The following NCOR1 variants were observed in gnomAD, a reference collection of about 807,000 sequenced individuals.
The protein encoded by NCOR1 is protein phosphatase 1, regulatory subunit 109.
Under a neutral mutation model 288.1 loss-of-function variants are expected in NCOR1, and 63 were observed. That is an observed-to-expected ratio of 0.22 (90% CI 0.18 to 0.27). The LOEUF is 0.27. NCOR1 is among the 10% of genes least tolerant of loss of function. The pLI is 1.00. For missense variants in NCOR1, 2,397 were observed against 3,019.2 expected, an observed-to-expected ratio of 0.79 and a Z score of 4.83; for synonymous variants, 1,007 against 1,065.9, an observed-to-expected ratio of 0.94 and a Z score of 1.08.
rs147189921 is a variant in NCOR1 at position 16,166,450 on chromosome 17, G to A, written c.436-1289C>T. On this transcript the variant is annotated intron_variant, in intron 4 of 45. Coordinates refer to ENST00000268712, the MANE Select transcript of NCOR1 (RefSeq NM_006311.4). Reference sequence around the variant, plus strand: ...AATCCCAGTACTTTGGGATGCTGACGCAGGCAGATCACAAGGTCAGGAGTT... The same window carrying A: ...AATCCCAGTACTTTGGGATGCTGACACAGGCAGATCACAAGGTCAGGAGTT... 2.9e-3 allele frequency among the ~76,000 whole-genome samples: 436 copies of A among 152,192 alleles called. 3 individuals carry two copies. Among genetic ancestry groups the A allele is most frequent in the African/African-American group, 9.7e-3 (401 of 41,526 alleles).
intron 8 of NCOR1, 112 bp downstream of exon 8, chr17:16,151,834 A>G (rs1028559611): frequency 3.0e-6 from 3 of 999,316 alleles, no homozygotes; most frequent in Non-Finnish European, 4.6e-6. Context: ...AATTACACAA[A>G]TCTAAAACAT....
intron 1 of NCOR1, among the ~76,000 whole-genome samples, chr17:16,206,669 A>G (rs1456158475): frequency 6.6e-6 from 1 of 152,204 alleles, no homozygotes; most frequent in Non-Finnish European, 1.5e-5. Flanking sequence ...AACAGGCATG[A>G]GTCACCATGC....
intron 41 of NCOR1, among the ~76,000 whole-genome samples, chr17:16,048,583 A>T (rs543644292): frequency 1.1e-4 from 17 of 150,374 alleles, no homozygotes; most frequent in African/African-American, 2.9e-4. Flanking sequence ...CAAAAACATT[A>T]AAAAAAAAAT....
chr17:16,114,143 CAAAAAAA>C (rs71353770), intron 18 of NCOR1, among the ~76,000 whole-genome samples: 7 of 17,734 alleles, frequency 3.9e-4, no homozygotes, highest in Non-Finnish European at 8.7e-4. Flanking sequence ...TGGCGGCAGG[CAAAAAAA>C]AAAAAAAAAA....
chr17:16,073,286 A>T (rs944571321), intron 28 of NCOR1, 143 bp downstream of exon 28: 2 of 690,612 alleles, frequency 2.9e-6, no homozygotes, highest in African/African-American at 3.7e-5. Flanking sequence ...TTCAGGTGGA[A>T]ATGACAGAAA....
chr17:16,181,101 G>A lies in NCOR1; in HGVS notation c.242+5453C>T, dbSNP rs563630442. On this transcript the variant is annotated intron_variant, in intron 3 of 45. Transcript: ENST00000268712. ...TTGAACCCAGGAGGTGGAGGTTGCAGTGAACCAAGGTTGTGCCATTGCACT... is the reference window on the plus strand; with the variant it reads ...TTGAACCCAGGAGGTGGAGGTTGCAATGAACCAAGGTTGTGCCATTGCACT... Among the ~76,000 whole-genome samples, 7 of 152,208 alleles carry A rather than the reference G, an allele frequency of 4.6e-5. No individual in the cohort carries two copies. The East Asian group carries it at 1.4e-3, about 29-fold the overall frequency.
chr17:16,181,403 A>G (rs900175008), intron 3 of NCOR1, among the ~76,000 whole-genome samples: 3 of 132,012 alleles, frequency 2.3e-5, no homozygotes, highest in African/African-American at 5.6e-5. Flanking sequence ...AAAAAAAAAA[A>G]GCACTCAAAT....
At chr17:16,059,320 G>A (rs918995106) in intron 37 of NCOR1, among the ~76,000 whole-genome samples, 9 of 152,106 alleles carry the variant, frequency 5.9e-5, no homozygotes, top group African/African-American at 2.2e-4. Context: ...TGATTTTAAA[G>A]CTATGGATTA....
intron 37 of NCOR1, 116 bp from the exon 38 acceptor site, chr17:16,058,715 C>T: frequency 1.8e-6 from 2 of 1,097,422 alleles, no homozygotes; most frequent in South Asian, 1.8e-5. Flanking sequence ...AAAGGTATTC[C>T]AGGTTAATGA....
chr17:16,113,011 C>G (rs192309880), intron 18 of NCOR1, among the ~76,000 whole-genome samples: 1 of 152,210 alleles, frequency 6.6e-6, no homozygotes, highest in East Asian at 1.9e-4. Flanking sequence ...CCTGGGTTCA[C>G]ACCATTCTCC....
intron 18 of NCOR1, among the ~76,000 whole-genome samples, chr17:16,109,149 T>G (rs777254192): frequency 1.1e-4 from 17 of 152,256 alleles, no homozygotes; most frequent in Middle Eastern, 6.8e-3. Flanking sequence ...TGATCCACTT[T>G]TGGAATTACT....
chr17:16,091,595 A>C (rs1353706583), intron 22 of NCOR1: 1 of 1,292,092 alleles, frequency 7.7e-7, no homozygotes, highest in Non-Finnish European at 9.9e-7. Flanking sequence ...GCATAACTTT[A>C]TTTATAATGT....
At chr17:16,129,330 T>TGA (rs1225839549) in intron 14 of NCOR1, among the ~76,000 whole-genome samples, 2 of 152,224 alleles carry the variant, frequency 1.3e-5, no homozygotes, top group Non-Finnish European at 2.9e-5. Context: ...TTGTGACCTT[T>TGA]GAACCCTTAT....
chr17:16,057,734 T>C lies in NCOR1; in HGVS notation c.6172A>G (p.Ile2058Val). Reference sequence around the variant, plus strand: ...TTTCTAGCAAAATCTTGTGTGATAATTTGCTGTGAATGAGAAATGAAGGAA... The same window carrying C: ...TTTCTAGCAAAATCTTGTGTGATAACTTGCTGTGAATGAGAAATGAAGGAA... ...LITLADHICQ[I>V]ITQDFARNQV... Residue 2058 changes from isoleucine (I) to valine (V), a missense_variant, in exon 40 of 46, where the codon ATT becomes GTT. Transcript: ENST00000268712. 1 of 1,613,700 alleles carries C rather than the reference T, an allele frequency of 6.2e-7. No individual in the cohort carries two copies. Among genetic ancestry groups the C allele is most frequent in the Non-Finnish European group, 8.5e-7 (1 of 1,179,768 alleles).
chr17:16,157,365 A>G (rs940876593), intron 6 of NCOR1, among the ~76,000 whole-genome samples: 1 of 152,180 alleles, frequency 6.6e-6, no homozygotes, highest in Non-Finnish European at 1.5e-5. Context: ...ACCTGCCCAT[A>G]ACACTTACCA....
At chr17:16,147,499 GAAGAA>G (rs1439355864) in intron 9 of NCOR1, among the ~76,000 whole-genome samples, 4 of 152,196 alleles carry the variant, frequency 2.6e-5, no homozygotes, top group Non-Finnish European at 4.4e-5. Flanking sequence ...TCTAAATAGA[GAAGAA>G]AAGACAGACG....
intron 18 of NCOR1, among the ~76,000 whole-genome samples, chr17:16,117,326 G>T (rs770692233): frequency 2.0e-5 from 3 of 152,106 alleles, no homozygotes; most frequent in Non-Finnish European, 4.4e-5. Flanking sequence ...GGAAAGATAA[G>T]CTGGGGCAGG....
At chr17:16,044,324 C>G (rs2058287547) in intron 42 of NCOR1, 4 of 463,244 alleles carry the variant, frequency 8.6e-6, no homozygotes, top group South Asian at 6.3e-5. Flanking sequence ...AGTGGTGACA[C>G]TGGCTCATCC....
In NCOR1 at chr17:16,145,048, C is replaced by G. The variant is rs139823697; in HGVS notation, c.1082+1328G>C. 3.7e-3 allele frequency among the ~76,000 whole-genome samples: 559 copies of G among 152,334 alleles called. 9 individuals are homozygous for G. The highest frequency in any genetic ancestry group is 0.029 in the East Asian group (149 of 5,178). ...CCTCGTGCCTGGGATTGCAGGTGCA[C>G]GCCACCACGCCTGACTGGTTTTTGT... is the stretch of plus-strand genomic sequence containing the variant. On this transcript the variant is annotated intron_variant, in intron 10 of 45. Transcript: ENST00000268712.
Sources: allele counts gnomAD v4.1 joint callset (sites outside exome capture counted in the v4.1 genomes callset), GRCh38; gene constraint gnomAD v4.1.1; transcripts MANE v1.5; gene names NCBI Gene and HGNC (gene_info 2026-07-23, HGNC 2026-07-21).